SCP2: variants seen among roughly 807,000 people sequenced by gnomAD.
SCP2 encodes SCP-2/3-oxoacyl-CoA thiolase.
A neutral mutation model predicts 71.4 loss-of-function variants in SCP2; 48 were observed. The observed-to-expected ratio is 0.67, with a 90% CI of 0.53 to 0.86. The LOEUF is 0.86. Ranked by LOEUF, SCP2 falls within the 40% of genes least tolerant of loss-of-function variation. SCP2 has a pLI of 0.00. For synonymous variants in SCP2, 220 were observed against 218.1 expected (o/e 1.01, Z -0.08); for missense variants, 560 against 655.6 (o/e 0.85, Z 1.59).
chr1:52,949,273 T>C (rs1379802375), intron 3 of SCP2, among the ~76,000 whole-genome samples: 1 of 152,208 alleles, frequency 6.6e-6, no homozygotes, highest in Non-Finnish European at 1.5e-5. Flanking sequence ...AGCAGATCCC[T>C]AACTTTCCTG....
At chr1:52,975,693 T>A (rs1346517190) in intron 7 of SCP2, among the ~76,000 whole-genome samples, 1 of 152,222 alleles carries the variant, frequency 6.6e-6, no homozygotes, top group Non-Finnish European at 1.5e-5. Context: ...GAATTGCAGG[T>A]GATTTGATTT....
In SCP2 at chr1:52,978,308, G is replaced by A; in HGVS notation, c.766G>A (p.Ala256Thr). 6.2e-7 allele frequency: 1 copy of A among 1,614,056 alleles called. No individual in the cohort carries two copies. Among genetic ancestry groups the A allele is most frequent in the Non-Finnish European group, 8.5e-7 (1 of 1,179,964 alleles). Residue 256 changes from alanine to threonine, a missense_variant, in exon 9 of 16, where the codon GCA (alanine) becomes ACA (threonine). Around this residue, in one of 3 missense-constraint regions of SCP2, gnomAD observed 513 missense variants for 573.1 expected, o/e 0.90. Coordinates refer to ENST00000371514, the MANE Select transcript of SCP2 (RefSeq NM_002979.5). ...GCAATCCAAAGCTGTGGAAATTTTG[G>A]CACAAGAAATGATGACTGATTTGCC... Reference protein sequence around the residue: ...GLQSKAVEILAQEMMTDLPSS... With the variant: ...GLQSKAVEILTQEMMTDLPSS...
chr1:52,983,762 T>C (rs1201122859), intron 10 of SCP2, among the ~76,000 whole-genome samples: 1 of 152,210 alleles, frequency 6.6e-6, no homozygotes, highest in Non-Finnish European at 1.5e-5. Context: ...TTTAAAGTCT[T>C]TAATAATTCC....
intron 10 of SCP2, among the ~76,000 whole-genome samples, chr1:52,984,834 G>A (rs1258711432): frequency 3.8e-5 from 5 of 130,058 alleles, no homozygotes; most frequent in Non-Finnish European, 7.6e-5. Flanking sequence ...ACCACACCCA[G>A]CTTTTCTTCT....
At chr1:52,945,212 A>G (rs1654664318) in intron 2 of SCP2, among the ~76,000 whole-genome samples, 1 of 152,032 alleles carries the variant, frequency 6.6e-6, no homozygotes, top group Non-Finnish European at 1.5e-5. Flanking sequence ...TTTTAAGGAC[A>G]ACATCTCACT....
intron 12 of SCP2, among the ~76,000 whole-genome samples, chr1:53,022,883 C>T (rs1375826301): frequency 6.6e-6 from 1 of 152,008 alleles, no homozygotes; most frequent in Non-Finnish European, 1.5e-5. Flanking sequence ...AATTCATATG[C>T]TGAGTAGGTT....
chr1:53,044,064 CT>C (rs534416974), intron 14 of SCP2, among the ~76,000 whole-genome samples: 70 of 146,320 alleles, frequency 4.8e-4, no homozygotes, highest in African/African-American at 1.0e-3. Context: ...TATTCCATCT[CT>C]TTTTTTTTTT....
rs567313181 is a variant in SCP2 at position 52,948,955 on chromosome 1, T to G, written c.199+875T>G. 8.7e-4 allele frequency among the ~76,000 whole-genome samples: 132 copies of G among 151,998 alleles called. 1 individual carries two copies. Among genetic ancestry groups the G allele is most frequent in the African/African-American group, 2.5e-3 (104 of 41,488 alleles). ...CCCCCAACCCCAACAACATTTTTTT[T>G]TTTTTGTTTTTGGCAAAGGGGTAAG... On this transcript the variant is annotated intron_variant, in intron 3 of 15. Transcript: ENST00000371514.
intron 11 of SCP2, among the ~76,000 whole-genome samples, chr1:53,006,907 A>G (rs1401820628): frequency 6.6e-6 from 1 of 152,180 alleles, no homozygotes; most frequent in Non-Finnish European, 1.5e-5. Flanking sequence ...AGAGACACAC[A>G]TAGGCTCAAA....
chr1:53,011,894 C>A (rs1661009550), intron 11 of SCP2, among the ~76,000 whole-genome samples: 1 of 152,150 alleles, frequency 6.6e-6, no homozygotes, highest in Non-Finnish European at 1.5e-5. Flanking sequence ...ATTTACATCA[C>A]CGTTAGGGCT....
intron 11 of SCP2, chr1:52,993,673 G>A: frequency 6.2e-7 from 1 of 1,612,168 alleles, no homozygotes; most frequent in Non-Finnish European, 8.5e-7. Flanking sequence ...AATCTTCATT[G>A]GTTGGATCAT....
chr1:52,964,659 T>TA (rs1215516428), intron 6 of SCP2, among the ~76,000 whole-genome samples: 1 of 152,200 alleles, frequency 6.6e-6, no homozygotes, highest in Admixed American at 6.5e-5. Flanking sequence ...TTCTAAAAAT[T>TA]AACATTTTGC....
intron 14 of SCP2, among the ~76,000 whole-genome samples, chr1:53,043,119 A>G (rs958477860): frequency 1.3e-5 from 2 of 152,232 alleles, no homozygotes; most frequent in African/African-American, 4.8e-5. Flanking sequence ...TAAACTAGAA[A>G]GAGCATAGCC....
At chr1:52,990,528 A>G (rs1169457267) in intron 11 of SCP2, among the ~76,000 whole-genome samples, 1 of 151,950 alleles carries the variant, frequency 6.6e-6, no homozygotes, top group African/African-American at 2.4e-5. Flanking sequence ...GGGTCAGGAG[A>G]TCAAGACCAT....
At chr1:52,991,280 T>G (rs1163647483) in intron 11 of SCP2, among the ~76,000 whole-genome samples, 1 of 152,016 alleles carries the variant, frequency 6.6e-6, no homozygotes, top group Non-Finnish European at 1.5e-5. Flanking sequence ...CCAAAAAGAG[T>G]AGGAACACAA....
intron 11 of SCP2, among the ~76,000 whole-genome samples, chr1:52,990,243 A>G (rs890559940): frequency 6.8e-6 from 1 of 147,044 alleles, no homozygotes; most frequent in Non-Finnish European, 1.5e-5. Flanking sequence ...GAGAAGCTAC[A>G]TTATTTAAAA....
Position 52,962,049 on chromosome 1 carries a change from G to T in SCP2, c.523+420G>T, listed in dbSNP as rs1656513423. On this transcript the variant is annotated intron_variant, in intron 6 of 15. Coordinates refer to ENST00000371514, the MANE Select transcript of SCP2 (RefSeq NM_002979.5). Reference sequence around the variant, plus strand: ...CTCGAATAGCTGGGACTACAGATGTGCACCACCATGTTCGGCTAATTTTTT... The same window carrying T: ...CTCGAATAGCTGGGACTACAGATGTTCACCACCATGTTCGGCTAATTTTTT... Among the ~76,000 whole-genome samples, 3 of 152,068 alleles carry T rather than the reference G, an allele frequency of 2.0e-5. No homozygotes were observed. The South Asian group carries it at 6.2e-4, about 31-fold the overall frequency.
chr1:52,929,537 C>T (rs527924655), intron 1 of SCP2, among the ~76,000 whole-genome samples: 2 of 152,222 alleles, frequency 1.3e-5, no homozygotes, highest in East Asian at 3.9e-4. Flanking sequence ...CCTCTGCCTC[C>T]CAGGTTCAAG....
chr1:53,035,913 G>C (rs1164084011), intron 13 of SCP2, among the ~76,000 whole-genome samples: 1 of 151,522 alleles, frequency 6.6e-6, no homozygotes, highest in African/African-American at 2.4e-5. Context: ...CCAGCTACTC[G>C]GGAGGCTGAG....
Sources: allele counts gnomAD v4.1 joint callset (sites outside exome capture counted in the v4.1 genomes callset), GRCh38; gene constraint gnomAD v4.1.1; regional missense constraint gnomAD v4.1.1; transcripts MANE v1.5; gene names NCBI Gene and HGNC (gene_info 2026-07-23, HGNC 2026-07-21).